LINC00237: variants seen among roughly 807,000 people sequenced by gnomAD.
LINC00237 encodes long independently transcribed non-coding RNA 237, also known as long intergenic non-protein coding RNA 237.
exon 2 of LINC00237, chr20:21,093,545 C>T (rs2030818590): frequency 6.6e-6 from 1 of 152,250 alleles, no homozygotes; most frequent in African/African-American, 2.4e-5. Flanking sequence ...GGTCCAATCA[C>T]AACACAGGAG....
rs968778526 is a variant in LINC00237, at chr20:21,101,990, G to C, written n.88+4281C>G. ...ATTGGACAGCCCCAGGCCGGCTTTG[G>C]ATCCTTGGAGGCGGATACGCAAGGC... On this transcript the variant is annotated intron_variant and non_coding_transcript_variant, in intron 1 of 3. Transcript: ENST00000691244. This position sits in a 1 kb window ranked among gnomAD's most constrained non-coding sequence, Gnocchi z 4.3. Among the ~76,000 whole-genome samples, 2 of 152,260 alleles carry C rather than the reference G, an allele frequency of 1.3e-5. No individual in the cohort carries two copies. Among genetic ancestry groups the C allele is most frequent in the Non-Finnish European group, 2.9e-5 (2 of 68,052 alleles).
intron 1 of LINC00237, among the ~76,000 whole-genome samples, chr20:21,103,333 G>C (rs1486344730): frequency 6.6e-6 from 1 of 152,136 alleles, no homozygotes; most frequent in Non-Finnish European, 1.5e-5. Flanking sequence ...AAGTTGGCGG[G>C]TGGAGGGGGC....
At chr20:21,104,173 G>A (rs1393225065) in intron 1 of LINC00237, among the ~76,000 whole-genome samples, 1 of 152,216 alleles carries the variant, frequency 6.6e-6, no homozygotes, top group Non-Finnish European at 1.5e-5. Context: ...GGGAGAAACA[G>A]GTTAGTCCTG....
intron 3 of LINC00237, among the ~76,000 whole-genome samples, chr20:21,086,838 T>C (rs1247620900): frequency 3.1e-5 from 4 of 128,516 alleles, no homozygotes; most frequent in Middle Eastern, 5.2e-3. Context: ...GTATACTATA[T>C]ATGTATAGTA....
chr20:21,089,510 T>C (rs905684083), intron 2 of LINC00237, among the ~76,000 whole-genome samples: 1 of 152,138 alleles, frequency 6.6e-6, no homozygotes, highest in African/African-American at 2.4e-5. Flanking sequence ...TAAATAACAG[T>C]GGCCTCTTTC....
At chr20:21,098,662 C>CT (rs1490435649) in intron 1 of LINC00237, among the ~76,000 whole-genome samples, 3 of 152,172 alleles carry the variant, frequency 2.0e-5, no homozygotes, top group African/African-American at 7.2e-5. Flanking sequence ...TTTTCAGTGG[C>CT]TTCAAGTACT....
At chr20:21,086,444 T>C (rs1403404689) in intron 3 of LINC00237, among the ~76,000 whole-genome samples, 1 of 150,850 alleles carries the variant, frequency 6.6e-6, no homozygotes, top group Non-Finnish European at 1.5e-5. Flanking sequence ...CTATTAGCTA[T>C]ACAATCACAA....
Position 21,101,748 on chromosome 20 carries a change from G to A in LINC00237, n.88+4523C>T, listed in dbSNP as rs956334972. 6.6e-6 allele frequency among the ~76,000 whole-genome samples: 1 copy of A among 152,258 alleles called. No individual in the cohort carries two copies. The highest frequency in any genetic ancestry group is 1.5e-5 in the Non-Finnish European group (1 of 68,044). On this transcript the variant is annotated intron_variant and non_coding_transcript_variant, in intron 1 of 3. Coordinates refer to ENST00000691244, the Ensembl canonical transcript of LINC00237. The surrounding 1 kb of genome is among the most constrained non-coding windows in gnomAD (Gnocchi z 4.3). Reference sequence around the variant, plus strand: ...GGAAAAGCTGTCACGATTGGGCTTGGGCTTGGGCTTGGCCTTGGTCAAGAA... The same window carrying A: ...GGAAAAGCTGTCACGATTGGGCTTGAGCTTGGGCTTGGCCTTGGTCAAGAA...
chr20:21,091,046 C>CGT (rs1028541014), intron 2 of LINC00237, among the ~76,000 whole-genome samples: 45 of 150,254 alleles, frequency 3.0e-4, no homozygotes, highest in Admixed American at 1.3e-3. Context: ...TGTAAATGTG[C>CGT]GTGTGTGTGT....
At chr20:21,086,694 T>C (rs2030708719) in intron 3 of LINC00237, among the ~76,000 whole-genome samples, 1 of 3,906 alleles carries the variant, frequency 2.6e-4, no homozygotes, top group Non-Finnish European at 5.8e-4. Flanking sequence ...CATATACATA[T>C]GTAGTATACT....
intron 3 of LINC00237, among the ~76,000 whole-genome samples, chr20:21,087,380 G>A (rs1051143301): frequency 1.3e-5 from 2 of 151,984 alleles, no homozygotes; most frequent in Non-Finnish European, 2.9e-5. Flanking sequence ...AATGGGTTCA[G>A]TTTTTTCTTT....
At chr20:21,100,857 C>T (rs1405224873) in intron 1 of LINC00237, among the ~76,000 whole-genome samples, 1 of 152,096 alleles carries the variant, frequency 6.6e-6, no homozygotes, top group Non-Finnish European at 1.5e-5. Flanking sequence ...CAAGGAAAAC[C>T]AAATCGGGCC....
chr20:21,094,758 AAAAT>A (rs1311444672), intron 1 of LINC00237, among the ~76,000 whole-genome samples: 1 of 152,138 alleles, frequency 6.6e-6, no homozygotes, highest in Non-Finnish European at 1.5e-5. Context: ...GTCTGTTAAA[AAAAT>A]AAATAGTCTG....
At chr20:21,090,698 T>C (rs2030780551) in intron 2 of LINC00237, among the ~76,000 whole-genome samples, 1 of 152,164 alleles carries the variant, frequency 6.6e-6, no homozygotes, top group South Asian at 2.1e-4. Context: ...ATGAGGTCCT[T>C]GGTGGTGAGG....
chr20:21,096,340 A>T (rs1241855161), intron 1 of LINC00237, among the ~76,000 whole-genome samples: 2 of 152,020 alleles, frequency 1.3e-5, no homozygotes, highest in Non-Finnish European at 2.9e-5. Flanking sequence ...TCAGTACATG[A>T]CTCTCATTAG....
chr20:21,088,353 C>G (rs1192157021), intron 2 of LINC00237, among the ~76,000 whole-genome samples: 1 of 152,182 alleles, frequency 6.6e-6, no homozygotes, highest in Non-Finnish European at 1.5e-5. Flanking sequence ...ATTACTGATA[C>G]AGTGATGGAG....
intron 1 of LINC00237, among the ~76,000 whole-genome samples, chr20:21,100,671 G>T (rs1285374686): frequency 6.6e-6 from 1 of 152,160 alleles, no homozygotes; most frequent in Non-Finnish European, 1.5e-5. Flanking sequence ...AATCCCGGGT[G>T]GGCCGAAATA....
chr20:21,093,208 C>T (rs1268537459), intron 2 of LINC00237: 1 of 152,170 alleles, frequency 6.6e-6, no homozygotes, highest in Non-Finnish European at 1.5e-5. Flanking sequence ...TCTCTGATAT[C>T]CTTTGCCATG....
At chr20:21,091,336 T>C (rs2030790315) in intron 2 of LINC00237, among the ~76,000 whole-genome samples, 1 of 152,200 alleles carries the variant, frequency 6.6e-6, no homozygotes, top group Non-Finnish European at 1.5e-5. Context: ...GCATAGCTAC[T>C]GCAAACCACT....
Sources: allele counts gnomAD v4.1 joint callset (sites outside exome capture counted in the v4.1 genomes callset), GRCh38; gene constraint gnomAD v4.1.1; non-coding constraint Gnocchi (gnomAD v3.1); transcripts MANE v1.5; gene names NCBI Gene and HGNC (gene_info 2026-07-23, HGNC 2026-07-21).